PSMA8: variants seen among roughly 807,000 people sequenced by gnomAD.
PSMA8 encodes proteasome 20S subunit alpha 8.
In PSMA8, 18 loss-of-function variants were observed where a neutral mutation model predicts 32.4. That is an observed-to-expected ratio of 0.56 (90% confidence interval 0.38 to 0.82). PSMA8 has a LOEUF of 0.82. Ranked by LOEUF, PSMA8 falls within the 40% of genes least tolerant of loss-of-function variation. The pLI is 0.00. For synonymous variants in PSMA8, 104 were observed against 98.1 expected (o/e 1.06, Z -0.36); for missense variants, 298 against 300.7 (o/e 0.99, Z 0.07).
chr18:26,176,166 A>T (rs2055262452), intron 4 of PSMA8, among the ~76,000 whole-genome samples: 1 of 152,138 alleles, frequency 6.6e-6, no homozygotes, highest in African/African-American at 2.4e-5. Flanking sequence ...CAAGAACAGG[A>T]TAGATTTTAG....
At chr18:26,144,929 T>A (rs1167725994) in intron 2 of PSMA8, among the ~76,000 whole-genome samples, 2 of 152,070 alleles carry the variant, frequency 1.3e-5, no homozygotes, top group African/African-American at 4.8e-5. Flanking sequence ...CAAAACTTTT[T>A]ATTTTTAAAT....
rs141558229 is a variant in PSMA8, at chr18:26,158,106, C to A, written c.355-16C>A. 6.6e-7 allele frequency: 1 copy of A among 1,526,406 alleles called. No homozygotes were observed. The highest frequency in any genetic ancestry group is 8.9e-7 in the Non-Finnish European group (1 of 1,119,124). 94.6% of individuals were successfully genotyped at this position (1,526,406 alleles called of 1,614,324 possible). A position where few individuals can be genotyped will look rare whatever the true frequency, so the allele number is the denominator to read the frequency against. On this transcript the variant is annotated splice_polypyrimidine_tract_variant and intron_variant, in intron 3 of 6. Transcript: ENST00000415576. The stretch of plus-strand genomic sequence containing the variant: ...AACTAATAGTTTTATTCTAAAAATA[C>A]GTTTTATTTTTCTAGAAATATACCC...
chr18:26,174,691 A>G (rs1357378534), intron 4 of PSMA8, among the ~76,000 whole-genome samples: 1 of 152,220 alleles, frequency 6.6e-6, no homozygotes, highest in East Asian at 1.9e-4. Flanking sequence ...AAATGGTAAG[A>G]ATGTTAACTA....
chr18:26,146,196 GTT>G (rs1156982084), intron 2 of PSMA8, among the ~76,000 whole-genome samples: 1 of 138,968 alleles, frequency 7.2e-6, no homozygotes, highest in Non-Finnish European at 1.6e-5. Flanking sequence ...TTCTGATTGG[GTT>G]TTTTTTTTTT....
At chr18:26,136,661 G>A (rs934232526) in intron 1 of PSMA8, among the ~76,000 whole-genome samples, 3 of 152,146 alleles carry the variant, frequency 2.0e-5, no homozygotes, top group African/African-American at 7.2e-5. Context: ...CTGTACCACA[G>A]AATATTGTAC....
At chr18:26,139,696 C>G (rs975092688) in intron 1 of PSMA8, among the ~76,000 whole-genome samples, 2 of 152,040 alleles carry the variant, frequency 1.3e-5, no homozygotes, top group Non-Finnish European at 2.9e-5. Context: ...TACAACTGAA[C>G]CTTGAGGAAC....
At chr18:26,187,922 G>A (rs1408940368) in intron 6 of PSMA8, among the ~76,000 whole-genome samples, 1 of 152,148 alleles carries the variant, frequency 6.6e-6, no homozygotes, top group East Asian at 1.9e-4. Context: ...AAACTGCACT[G>A]TAGACCAAAT....
At position 26,172,823 on chromosome 18, in the gene PSMA8, G is replaced by A. The variant is rs180934095; in HGVS notation, c.478-6007G>A. Among the ~76,000 whole-genome samples the A allele has an allele frequency of 4.3e-3, 651 of 152,296 alleles. 2 individuals are homozygous for A. Among genetic ancestry groups the A allele is most frequent in the South Asian group, 8.5e-3 (41 of 4,818 alleles). On this transcript the variant is annotated intron_variant, in intron 4 of 6. Coordinates refer to ENST00000415576, the MANE Select transcript of PSMA8 (RefSeq NM_001025096.2). ...GCCATTGGTGGCACAGAGGAAGCAG[G>A]TGGATATGATGGGTCTTCTTAATAA...
rs572476740 is a variant in PSMA8 at position 26,170,342 on chromosome 18, C to A, written c.478-8488C>A. ...ATTTATCTACAAACCTCTGGATATA[C>A]ACGTAGGAATCTTTTGGTATTTCCA... is the stretch of plus-strand genomic sequence containing the variant. On this transcript the variant is annotated intron_variant, in intron 4 of 6. Coordinates refer to ENST00000415576, the MANE Select transcript of PSMA8 (RefSeq NM_001025096.2). Among the ~76,000 whole-genome samples, 2 of 131,798 alleles carry A rather than the reference C, an allele frequency of 1.5e-5. 1 individual carries two copies. Among genetic ancestry groups the A allele is most frequent in the African/African-American group, 8.2e-5 (2 of 24,424 alleles). 86.5% of individuals were successfully genotyped at this position (131,798 alleles called of 152,430 possible).
intron 2 of PSMA8, among the ~76,000 whole-genome samples, chr18:26,149,378 A>G (rs2055027840): frequency 6.6e-6 from 1 of 152,234 alleles, no homozygotes; most frequent in African/African-American, 2.4e-5. Context: ...TGTCAATATT[A>G]TCCAAAGCAA....
chr18:26,172,998 C>T (rs751734890), intron 4 of PSMA8, among the ~76,000 whole-genome samples: 3 of 152,166 alleles, frequency 2.0e-5, no homozygotes, highest in South Asian at 2.1e-4. Context: ...CAAGAGTGGT[C>T]AAGGCCATGC....
intron 6 of PSMA8, among the ~76,000 whole-genome samples, chr18:26,184,764 ACT>A (rs1437891931): frequency 7.9e-6 from 1 of 127,134 alleles, no homozygotes; most frequent in Non-Finnish European, 1.6e-5. Context: ...ATAGAGCAAG[ACT>A]CTGTCTCAAA....
At position 26,151,850 on chromosome 18, in the gene PSMA8, T is replaced by A. The variant is rs768773202; in HGVS notation, c.230-8T>A. ...GTGGTTTTTGTGAAGTTTTGACAAT[T>A]TTTATAGGACTTACTGCTGATGCTA... On this transcript the variant is annotated splice_region_variant and splice_polypyrimidine_tract_variant and intron_variant, in intron 2 of 6. Coordinates refer to ENST00000415576, the MANE Select transcript of PSMA8 (RefSeq NM_001025096.2). 6.3e-7 allele frequency: 1 copy of A among 1,576,682 alleles called. No homozygotes were observed. The highest frequency in any genetic ancestry group is 8.6e-7 in the Non-Finnish European group (1 of 1,167,174).
intron 1 of PSMA8, among the ~76,000 whole-genome samples, chr18:26,135,782 T>C (rs1298866183): frequency 6.6e-6 from 1 of 152,198 alleles, no homozygotes; most frequent in African/African-American, 2.4e-5. Context: ...TGATTGATGG[T>C]TCCTTTGTAA....
At chr18:26,172,344 A>G in intron 4 of PSMA8, among the ~76,000 whole-genome samples, 1 of 152,224 alleles carries the variant, frequency 6.6e-6, no homozygotes, top group East Asian at 1.9e-4. Flanking sequence ...CTCTGTTGCA[A>G]CTACTAAACT....
chr18:26,171,378 C>G, intron 4 of PSMA8: 1 of 1,277,280 alleles, frequency 7.8e-7, no homozygotes. Context: ...TTATGACATA[C>G]CAAGCAGACT....
At chr18:26,167,183 A>G (rs1598659507) in intron 4 of PSMA8, among the ~76,000 whole-genome samples, 1 of 152,236 alleles carries the variant, frequency 6.6e-6, no homozygotes, top group South Asian at 2.1e-4. Flanking sequence ...TTAATTTGCA[A>G]TTAACTACCA....
intron 1 of PSMA8, among the ~76,000 whole-genome samples, chr18:26,136,426 C>T (rs188533937): frequency 6.6e-6 from 1 of 152,304 alleles, no homozygotes; most frequent in East Asian, 1.9e-4. Context: ...TCAAAGTCTT[C>T]CATAATCCTA....
intron 1 of PSMA8, among the ~76,000 whole-genome samples, chr18:26,136,719 A>G (rs2054914490): frequency 6.6e-6 from 1 of 152,196 alleles, no homozygotes; most frequent in African/African-American, 2.4e-5. Flanking sequence ...AGGTATATTT[A>G]ATAATCTCAC....
Sources: gnomAD v4.1 joint callset for allele counts (sites outside exome capture counted in the v4.1 genomes callset) on GRCh38, gnomAD v4.1.1 for gene constraint, MANE v1.5 for transcripts, NCBI Gene and HGNC (gene_info 2026-07-23, HGNC 2026-07-21) for gene names.